The following RPTOR variants were observed in gnomAD, a reference collection of about 807,000 sequenced individuals.
The protein encoded by RPTOR is regulatory-associated protein of mTOR.
RPTOR carries 21 observed loss-of-function variants against 169.9 expected under a neutral mutation model. The observed-to-expected ratio is 0.12, with a 90% CI of 0.09 to 0.18. The LOEUF is 0.18. Ranked by LOEUF, RPTOR falls within the 10% of genes least tolerant of loss-of-function variation. The pLI is 1.00. For synonymous variants in RPTOR, 732 were observed against 753.2 expected, an observed-to-expected ratio of 0.97 and a Z score of 0.46; for missense variants, 1,133 against 1,855.9, an observed-to-expected ratio of 0.61 and a Z score of 7.16.
At chr17:80,745,317 C>T (rs28545133) in intron 5 of RPTOR, among the ~76,000 whole-genome samples, 2,057 of 152,076 alleles carry the variant, frequency 0.014, 51 homozygotes, top group African/African-American at 0.047. Flanking sequence ...TGTGACAAAC[C>T]GTTGTTATGA....
chr17:80,744,420 G>GTTA (rs2066539218), intron 5 of RPTOR, among the ~76,000 whole-genome samples: 1 of 106,496 alleles, frequency 9.4e-6, no homozygotes, highest in Admixed American at 8.2e-5. Flanking sequence ...CACAGCCCTG[G>GTTA]CTACTAGCAC....
At chr17:80,654,967 G>GA (rs755416154) in intron 3 of RPTOR, among the ~76,000 whole-genome samples, 1 of 152,182 alleles carries the variant, frequency 6.6e-6, no homozygotes, top group Non-Finnish European at 1.5e-5. Flanking sequence ...AGAAGAAAGA[G>GA]AAAGTTACCA....
chr17:80,557,663 G>T (rs910180047), intron 1 of RPTOR, among the ~76,000 whole-genome samples: 1 of 152,100 alleles, frequency 6.6e-6, no homozygotes, highest in Non-Finnish European at 1.5e-5. Context: ...AGTGGCTCAC[G>T]CCTGTAATCC....
rs35843489 is a variant in RPTOR, at chr17:80,609,773, T to TTGTG, written c.163-15886_163-15883dup. 0.019 allele frequency among the ~76,000 whole-genome samples: 2,693 copies of TTGTG among 143,288 alleles called. 22 individuals carry two copies. Among genetic ancestry groups the TTGTG allele is most frequent in the African/African-American group, 0.029 (1,107 of 38,778 alleles). The allele number at this position is 143,288 out of a possible 152,430, so 94.0% of individuals were successfully genotyped here. ...AAAAAAAAAAAGTTTAAGGTGTTGGTTGTGTGTGTGTGTGTGTGTGTGTGT... is the reference window on the plus strand; with the variant it reads ...AAAAAAAAAAAGTTTAAGGTGTTGGTTGTGTGTGTGTGTGTGTGTGTGTGTGTGT... On this transcript the variant is annotated intron_variant, in intron 1 of 33. Transcript: ENST00000306801. The surrounding 1 kb of genome is among the most constrained non-coding windows in gnomAD (Gnocchi z 4.8).
chr17:80,822,966 T>A lies in RPTOR; in HGVS notation c.992-113T>A, dbSNP rs1307850187. 4 of 1,132,528 alleles carry A rather than the reference T, an allele frequency of 3.5e-6. No homozygotes were observed. In the Admixed American group the frequency reaches 8.3e-5, roughly 24 times the overall value. 70.2% of individuals were successfully genotyped at this position (1,132,528 alleles called of 1,614,324 possible). A position where few individuals can be genotyped will look rare whatever the true frequency, so the allele number is the denominator to read the frequency against. ...GTGTGTGTGTTGCTGATGGGAGATA[T>A]GCATATTAGTCCCAACTTTAGTAAT... On this transcript the variant is annotated intron_variant, in intron 8 of 33. Coordinates refer to ENST00000306801, the MANE Select transcript of RPTOR (RefSeq NM_020761.3).
chr17:80,826,572 G>A (rs2067446249), intron 9 of RPTOR, among the ~76,000 whole-genome samples: 1 of 152,238 alleles, frequency 6.6e-6, no homozygotes, highest in Non-Finnish European at 1.5e-5. Flanking sequence ...GAATCACAGC[G>A]GCGATGCCCT....
chr17:80,562,376 T>A lies in RPTOR; in HGVS notation c.162+16585T>A, dbSNP rs2084510429. On this transcript the variant is annotated intron_variant, in intron 1 of 33. Transcript: ENST00000306801. The surrounding 1 kb of genome is among the most constrained non-coding windows in gnomAD (Gnocchi z 4.4). ...GTGTGTGGCCTTCGTTTACCCCTGC[T>A]TCCCCTCACTCCCCTGCTTGGGGGC... 1.3e-5 allele frequency among the ~76,000 whole-genome samples: 2 copies of A among 152,162 alleles called. No homozygotes were observed. The highest frequency in any genetic ancestry group is 2.4e-5 in the African/African-American group (1 of 41,440).
In RPTOR at chr17:80,755,150, C is replaced by G. The variant is rs931320100; in HGVS notation, c.830+965C>G. On this transcript the variant is annotated intron_variant, in intron 6 of 33. Transcript: ENST00000306801. The stretch of plus-strand genomic sequence containing the variant: ...CCTCTGCAGCCAAGTCCAAATTGAT[C>G]CCAGACCCCAGGGCTGGGGGTTCAT... Among the ~76,000 whole-genome samples the G allele has an allele frequency of 2.0e-5, 3 of 152,194 alleles. No homozygotes were observed. The East Asian group carries it at 5.8e-4, about 29-fold the overall frequency.
chr17:80,545,541 A>T lies in RPTOR; in HGVS notation c.-89A>T. ...TTTCGATTTCCCGTTTTTGTTTCTT[A>T]TTTCACCAATTCTGGTACACGCTAG... On this transcript the variant is annotated 5_prime_UTR_variant, in exon 1 of 34. Coordinates refer to ENST00000306801, the MANE Select transcript of RPTOR (RefSeq NM_020761.3). The T allele has an allele frequency of 9.7e-7, 1 of 1,033,000 alleles. No homozygotes were observed. The highest frequency in any genetic ancestry group is 1.4e-6 in the Non-Finnish European group (1 of 702,298). 64.0% of individuals were successfully genotyped at this position (1,033,000 alleles called of 1,614,324 possible).
At chr17:80,614,838 G>A (rs143237252) in intron 1 of RPTOR, among the ~76,000 whole-genome samples, 27 of 152,318 alleles carry the variant, frequency 1.8e-4, no homozygotes, top group Non-Finnish European at 3.2e-4. Flanking sequence ...TGCTTTAGTC[G>A]TCGATAATCC....
rs956591391 is a variant in RPTOR, at chr17:80,845,114, G to T, written c.1213-1359G>T. Among the ~76,000 whole-genome samples, 1 of 151,974 alleles carries T rather than the reference G, an allele frequency of 6.6e-6. No individual in the cohort carries two copies. The highest frequency in any genetic ancestry group is 3.2e-3 in the Middle Eastern group (1 of 316). On this transcript the variant is annotated intron_variant, in intron 10 of 33. Transcript: ENST00000306801. This position sits in a 1 kb window ranked among gnomAD's most constrained non-coding sequence, Gnocchi z 5.4. ...CCGCTCAGTTCCGAGACCTTCCAACGGCAGCCTCCCCTGCAGCCTTCACGC... is the reference window on the plus strand; with the variant it reads ...CCGCTCAGTTCCGAGACCTTCCAACTGCAGCCTCCCCTGCAGCCTTCACGC...
At chr17:80,769,671 G>T (rs915061167) in intron 6 of RPTOR, among the ~76,000 whole-genome samples, 3 of 152,134 alleles carry the variant, frequency 2.0e-5, no homozygotes, top group African/African-American at 7.2e-5. Context: ...CACTGCTGTT[G>T]GGGTGTCCTC....
intron 1 of RPTOR, among the ~76,000 whole-genome samples, chr17:80,574,826 A>T (rs1305864999): frequency 2.4e-5 from 1 of 41,554 alleles, no homozygotes; most frequent in East Asian, 1.0e-3. Context: ...CAGCTTATTT[A>T]ATTTTTTTTT....
Position 80,925,381 on chromosome 17 carries a change from C to T in RPTOR, c.2820C>T (p.Asp940=), listed in dbSNP as rs764219253. The change falls in exon 24 of 34, where the codon GAC becomes GAT. Residue 940 remains aspartate, a synonymous_variant. Coordinates refer to ENST00000306801, the MANE Select transcript of RPTOR (RefSeq NM_020761.3). ...FDKGPEQTAD[D]ADDAAGHKSF... ...CTTAAACCCTGAAGACTGCGGACGA[C>T]GCGGACGATGCTGCTGGACACAAAA... The T allele has an allele frequency of 1.5e-5, 24 of 1,613,496 alleles. No homozygotes were observed. The highest frequency in any genetic ancestry group is 1.5e-4 in the African/African-American group (11 of 74,938).
Position 80,823,641 on chromosome 17 carries a change from TCA to T in RPTOR, c.1136+455_1136+456del, listed in dbSNP as rs3042670. On this transcript the variant is annotated intron_variant, in intron 9 of 33. Transcript: ENST00000306801. This position sits in a 1 kb window ranked among gnomAD's most constrained non-coding sequence, Gnocchi z 4.5. ...ATCAATTAGTTTTTATGCTTATTTC[TCA>T]CACACACACACACACACACACACAC... 25,545 of 156,696 alleles carry T rather than the reference TCA, an allele frequency of 0.16. 2,147 individuals are homozygous for T. The highest frequency in any genetic ancestry group is 0.18 in the South Asian group (1,017 of 5,656). 9.7% of individuals were successfully genotyped at this position (156,696 alleles called of 1,614,324 possible).
chr17:80,736,285 G>T (rs920156889), intron 5 of RPTOR, among the ~76,000 whole-genome samples: 1 of 152,130 alleles, frequency 6.6e-6, no homozygotes, highest in African/African-American at 2.4e-5. Flanking sequence ...GTGTTTGTGT[G>T]GTGTCTCTAA....
At chr17:80,627,111 T>G (rs569670269) in intron 2 of RPTOR, among the ~76,000 whole-genome samples, 1 of 152,310 alleles carries the variant, frequency 6.6e-6, no homozygotes, top group African/African-American at 2.4e-5. Flanking sequence ...TGTCGTAGCA[T>G]GTGTCAGAAT....
chr17:80,930,366 T>TTATTCC (rs2068873604), intron 24 of RPTOR, among the ~76,000 whole-genome samples: 1 of 13,676 alleles, frequency 7.3e-5, no homozygotes, highest in African/African-American at 2.7e-4. Flanking sequence ...CAGCTCATCC[T>TTATTCC]CAGCTCATCC....
At chr17:80,625,883 G>A in intron 2 of RPTOR, 90 bp downstream of exon 2, 1 of 863,534 alleles carries the variant, frequency 1.2e-6, no homozygotes. Context: ...TCTGGTCCAG[G>A]GGCCCGTCTC....
Sources: gnomAD v4.1 joint callset for allele counts (sites outside exome capture counted in the v4.1 genomes callset) on GRCh38, gnomAD v4.1.1 for gene constraint, Gnocchi (gnomAD v3.1) non-coding constraint, MANE v1.5 for transcripts, NCBI Gene and HGNC (gene_info 2026-07-23, HGNC 2026-07-21) for gene names.